The following VIPR2 variants were observed in gnomAD, a reference collection of about 807,000 sequenced individuals.
VIPR2 encodes the protein vasoactive intestinal polypeptide receptor 2.
VIPR2 carries 48 observed loss-of-function variants against 58.0 expected under a neutral mutation model. The observed-to-expected ratio is 0.83, with a 90% CI of 0.66 to 1.05. VIPR2 has a LOEUF of 1.05. VIPR2 is among the 50% of genes least tolerant of loss of function. The pLI is 0.00. For missense variants in VIPR2, 534 were observed against 558.0 expected (o/e 0.96, Z 0.43); for synonymous variants, 243 against 235.2 (o/e 1.03, Z -0.30).
intron 4 of VIPR2, among the ~76,000 whole-genome samples, chr7:159,085,963 T>G (rs1351246982): frequency 6.6e-6 from 1 of 152,078 alleles, no homozygotes; most frequent in East Asian, 1.9e-4. Flanking sequence ...ACCCACAGAA[T>G]GCAAACCACC....
intron 4 of VIPR2, among the ~76,000 whole-genome samples, chr7:159,062,497 G>A (rs914567320): frequency 2.0e-5 from 3 of 152,122 alleles, no homozygotes; most frequent in South Asian, 2.1e-4. Flanking sequence ...TTCACGGTGA[G>A]TGTTACAGCT....
intron 10 of VIPR2, 31 bp from the exon 11 acceptor site, chr7:159,032,098 G>A (rs747895081): frequency 2.5e-6 from 4 of 1,612,962 alleles, no homozygotes; most frequent in Non-Finnish European, 2.5e-6. Context: ...CAGCTCAGCT[G>A]CTGGACCCTC....
intron 6 of VIPR2, among the ~76,000 whole-genome samples, chr7:159,039,838 A>G (rs1418285349): frequency 1.3e-5 from 2 of 152,204 alleles, no homozygotes; most frequent in East Asian, 3.9e-4. Context: ...ACCAGTCCAT[A>G]AAGACGCATG....
rs1796721335 is a variant in VIPR2 at position 159,128,083 on chromosome 7, A to T, written c.151+14363T>A. ...CGTGGGTCTCGGCAGGAATGGAGCC[A>T]GGTGAGGACACCTGGTAGTGGTCTC... On this transcript the variant is annotated intron_variant, in intron 2 of 12. Transcript: ENST00000262178. This position sits in a 1 kb window ranked among gnomAD's most constrained non-coding sequence, Gnocchi z 4.1. Among the ~76,000 whole-genome samples the T allele has an allele frequency of 6.6e-6, 1 of 152,172 alleles. No individual in the cohort carries two copies. The highest frequency in any genetic ancestry group is 1.5e-5 in the Non-Finnish European group (1 of 68,028).
At chr7:159,040,623 C>A (rs1854269600) in intron 6 of VIPR2, among the ~76,000 whole-genome samples, 1 of 152,226 alleles carries the variant, frequency 6.6e-6, no homozygotes, top group Admixed American at 6.5e-5. Flanking sequence ...AAAGACCCTG[C>A]ACCTATTTTG....
At chr7:159,124,102 T>G (rs1277912087) in intron 2 of VIPR2, among the ~76,000 whole-genome samples, 1 of 152,236 alleles carries the variant, frequency 6.6e-6, no homozygotes, top group Non-Finnish European at 1.5e-5. Flanking sequence ...AGGTTGTCTG[T>G]TTACTCTGTT....
intron 2 of VIPR2, among the ~76,000 whole-genome samples, chr7:159,137,303 A>G (rs1033411817): frequency 7.0e-6 from 1 of 141,906 alleles, no homozygotes; most frequent in African/African-American, 2.5e-5. Context: ...ATGATTCTTA[A>G]GCATTTTATT....
At chr7:159,135,061 T>C (rs1312447028) in intron 2 of VIPR2, among the ~76,000 whole-genome samples, 2 of 138,738 alleles carry the variant, frequency 1.4e-5, no homozygotes, top group Admixed American at 7.8e-5. Context: ...TAGAAAACAA[T>C]GATTTTGTGT....
chr7:159,123,759 C>A (rs560346394), intron 2 of VIPR2, among the ~76,000 whole-genome samples: 2 of 152,334 alleles, frequency 1.3e-5, no homozygotes, highest in South Asian at 4.1e-4. Flanking sequence ...CTAATTTACA[C>A]TCCCTCCAAC....
intron 6 of VIPR2, among the ~76,000 whole-genome samples, chr7:159,038,139 C>A (rs1854089166): frequency 6.6e-6 from 1 of 152,098 alleles, no homozygotes; most frequent in Non-Finnish European, 1.5e-5. Context: ...TCAATTTGGC[C>A]TCCGGGGTCC....
chr7:159,079,794 A>G (rs981835811), intron 4 of VIPR2, among the ~76,000 whole-genome samples: 3 of 152,216 alleles, frequency 2.0e-5, no homozygotes, highest in Admixed American at 1.3e-4. Flanking sequence ...TATCACCACC[A>G]ATCCCACAGA....
chr7:159,046,780 AAAAG>A (rs1471815495), intron 5 of VIPR2, among the ~76,000 whole-genome samples: 1 of 152,242 alleles, frequency 6.6e-6, no homozygotes, highest in African/African-American at 2.4e-5. Flanking sequence ...TCTTGCATAA[AAAAG>A]AAAAATAATT....
At chr7:159,090,045 A>T (rs1212715372) in intron 4 of VIPR2, among the ~76,000 whole-genome samples, 1 of 150,656 alleles carries the variant, frequency 6.6e-6, no homozygotes, top group Non-Finnish European at 1.5e-5. Context: ...TGACCATCAC[A>T]ATCCCCGGTG....
intron 6 of VIPR2, among the ~76,000 whole-genome samples, chr7:159,040,708 C>T (rs1336746286): frequency 1.3e-5 from 2 of 152,138 alleles, no homozygotes; most frequent in African/African-American, 4.8e-5. Flanking sequence ...AAAAAATATA[C>T]AAAAAAATTC....
At chr7:159,087,798 G>C (rs1857269187) in intron 4 of VIPR2, among the ~76,000 whole-genome samples, 1 of 144,842 alleles carries the variant, frequency 6.9e-6, no homozygotes, top group Admixed American at 6.9e-5. Flanking sequence ...CTTGGATAGT[G>C]AGATACGGCT....
intron 6 of VIPR2, among the ~76,000 whole-genome samples, chr7:159,041,715 C>T (rs145329990): frequency 1.3e-4 from 20 of 151,494 alleles, no homozygotes; most frequent in African/African-American, 3.9e-4. Context: ...CTGCTTTTGA[C>T]GTCATGGGTC....
At chr7:159,134,619 C>G (rs1797118918) in intron 2 of VIPR2, among the ~76,000 whole-genome samples, 3 of 151,476 alleles carry the variant, frequency 2.0e-5, no homozygotes, top group African/African-American at 7.3e-5. Flanking sequence ...CAAGTACTGA[C>G]ACAAAGTGAG....
intron 4 of VIPR2, among the ~76,000 whole-genome samples, chr7:159,075,439 G>T (rs565021162): frequency 1.5e-4 from 23 of 152,328 alleles, no homozygotes; most frequent in African/African-American, 4.1e-4. Context: ...TGGCTTTGAA[G>T]TCTCCCTATT....
At chr7:159,065,349 C>T (rs1164565657) in intron 4 of VIPR2, among the ~76,000 whole-genome samples, 1 of 152,152 alleles carries the variant, frequency 6.6e-6, no homozygotes, top group Non-Finnish European at 1.5e-5. Context: ...GGGCGGCCAC[C>T]CCAGGCTCTG....
Sources: allele counts gnomAD v4.1 joint callset (sites outside exome capture counted in the v4.1 genomes callset), GRCh38; gene constraint gnomAD v4.1.1; non-coding constraint Gnocchi (gnomAD v3.1); transcripts MANE v1.5; gene names NCBI Gene and HGNC (gene_info 2026-07-23, HGNC 2026-07-21).